The following FAM204A variants were observed in gnomAD, a reference collection of about 807,000 sequenced individuals.
FAM204A encodes the protein protein FAM204A.
In FAM204A, 16 loss-of-function variants were observed where a neutral mutation model predicts 35.4. That is an observed-to-expected ratio of 0.45 (90% confidence interval 0.31 to 0.69). The LOEUF (loss-of-function observed/expected upper bound fraction) is 0.69, where lower values mean the gene tolerates loss of function less well. Ranked by LOEUF, FAM204A falls within the 30% of genes least tolerant of loss-of-function variation. The pLI, the probability that FAM204A is intolerant of heterozygous loss-of-function variation, is 0.07. For synonymous variants in FAM204A, 76 were observed against 86.9 expected (o/e 0.88, Z 0.70); for missense variants, 240 against 265.7 (o/e 0.90, Z 0.67).
At chr10:118,331,461 CAATT>C (rs1296997029) in intron 6 of FAM204A, among the ~76,000 whole-genome samples, 1 of 151,908 alleles carries the variant, frequency 6.6e-6, no homozygotes, top group Admixed American at 6.6e-5. Context: ...CAACAATTGC[CAATT>C]AATTAAGTTT....
At position 118,335,510 on chromosome 10, in the gene FAM204A, A is replaced by G. The variant is rs374613367; in HGVS notation, c.322+44T>C. The G allele has an allele frequency of 1.2e-5, 20 of 1,601,342 alleles. No homozygotes were observed. The African/African-American group carries it at 2.2e-4, about 17-fold the overall frequency. ...AAAAAAATGGTTAAACTCAGTCACA[A>G]CTTAGCATTAGCACGACGAACAACC... On this transcript the variant is annotated intron_variant, in intron 4 of 8. Transcript: ENST00000369183.
At chr10:118,326,046 C>A in intron 7 of FAM204A, 108 bp downstream of exon 7, 2 of 769,530 alleles carry the variant, frequency 2.6e-6, no homozygotes, top group Non-Finnish European at 4.1e-6. Context: ...AAAAGGAAAA[C>A]CTCAGATGAA....
At chr10:118,315,839 T>C (rs1035249515) in intron 7 of FAM204A, among the ~76,000 whole-genome samples, 5 of 152,182 alleles carry the variant, frequency 3.3e-5, no homozygotes, top group African/African-American at 1.2e-4. Flanking sequence ...GCAGATTTGT[T>C]CATTCTTATC....
chr10:118,336,075 T>C (rs1172219679), intron 3 of FAM204A, 107 bp downstream of exon 3: 1 of 1,290,978 alleles, frequency 7.7e-7, no homozygotes, highest in Non-Finnish European at 1.1e-6. Flanking sequence ...TCCATCTCCC[T>C]CCCTGTTAAG....
rs958661083 is a variant in FAM204A at position 118,308,085 on chromosome 10, C to T, written c.*2772G>A. 6.6e-6 allele frequency: 1 copy of T among 152,180 alleles called. No individual in the cohort carries two copies. The highest frequency in any genetic ancestry group is 2.4e-5 in the African/African-American group (1 of 41,456). The allele number at this position is 152,180 out of a possible 1,614,324, so 9.4% of individuals were successfully genotyped here. The stretch of plus-strand genomic sequence containing the variant: ...CAGAAACATCCTGAGGGCTCCCAAA[C>T]AAGAATGCACTGCCAACTTCCCTTT... On this transcript the variant is annotated 3_prime_UTR_variant, in exon 9 of 9. Coordinates refer to ENST00000369183, the MANE Select transcript of FAM204A (RefSeq NM_022063.3).
intron 6 of FAM204A, among the ~76,000 whole-genome samples, chr10:118,329,301 T>C (rs1846251053): frequency 6.6e-6 from 1 of 152,176 alleles, no homozygotes; most frequent in African/African-American, 2.4e-5. Flanking sequence ...CATCATGTCA[T>C]TACCCAGCTT....
chr10:118,334,079 G>C (rs1846333108), intron 6 of FAM204A, among the ~76,000 whole-genome samples: 1 of 152,140 alleles, frequency 6.6e-6, no homozygotes, highest in African/African-American at 2.4e-5. Flanking sequence ...ATGAATAAGT[G>C]AGTTACTAAT....
Position 118,325,887 on chromosome 10 carries a change from C to T in FAM204A, c.543+267G>A, listed in dbSNP as rs574707879. On this transcript the variant is annotated intron_variant, in intron 7 of 8. Coordinates refer to ENST00000369183, the MANE Select transcript of FAM204A (RefSeq NM_022063.3). ...CATTTTAATCATACCTGAAACAAAC[C>T]TCTCTGATCCAGGTAAAATCTAAGG... Among the ~76,000 whole-genome samples the T allele has an allele frequency of 2.0e-5, 3 of 152,192 alleles. No homozygotes were observed. The South Asian group carries it at 6.2e-4, about 32-fold the overall frequency.
At chr10:118,338,043 T>A (rs1846416083) in intron 2 of FAM204A, among the ~76,000 whole-genome samples, 1 of 152,172 alleles carries the variant, frequency 6.6e-6, no homozygotes, top group African/African-American at 2.4e-5. Flanking sequence ...AATGGAGGAA[T>A]AAAATGAGGG....
chr10:118,322,733 G>C (rs2133277290), intron 7 of FAM204A, among the ~76,000 whole-genome samples: 1 of 152,138 alleles, frequency 6.6e-6, no homozygotes, highest in Admixed American at 6.6e-5. Context: ...CTGAGGGAAA[G>C]GTAAATAGGA....
rs1269160994 is a variant in FAM204A, at chr10:118,298,946, G to A, written c.*11911C>T. On this transcript the variant is annotated 3_prime_UTR_variant, in exon 9 of 9. Transcript: ENST00000369183. ...ATAATGTTTAATGGAAAAGGGCAGC[G>A]ATGGACTAATGGTTGCCTAGCAACC... 2.6e-5 allele frequency: 4 copies of A among 152,200 alleles called. No homozygotes were observed. Among genetic ancestry groups the A allele is most frequent in the Admixed American group, 1.3e-4 (2 of 15,282 alleles). The allele number at this position is 152,200 out of a possible 1,614,324, so 9.4% of individuals were successfully genotyped here.
chr10:118,323,335 C>A (rs911522861), intron 7 of FAM204A, among the ~76,000 whole-genome samples: 1 of 152,110 alleles, frequency 6.6e-6, no homozygotes, highest in Non-Finnish European at 1.5e-5. Context: ...TCCAGAGCAG[C>A]TAGCATCTAA....
chr10:118,334,401 G>A (rs969914033), intron 6 of FAM204A, among the ~76,000 whole-genome samples: 4 of 152,030 alleles, frequency 2.6e-5, no homozygotes, highest in Middle Eastern at 3.2e-3. Flanking sequence ...TCTACAATAC[G>A]CCTCAAATCC....
At chr10:118,314,080 T>C (rs1021270837) in intron 7 of FAM204A, among the ~76,000 whole-genome samples, 5 of 152,250 alleles carry the variant, frequency 3.3e-5, no homozygotes, top group African/African-American at 1.2e-4. Flanking sequence ...TAACAGCATA[T>C]GTTCCTTAAT....
chr10:118,311,517 A>C (rs190770025), intron 7 of FAM204A: 91 of 460,920 alleles, frequency 2.0e-4, no homozygotes, highest in Middle Eastern at 1.1e-3. Context: ...CCTTTACCCT[A>C]GTTATACCAG....
Position 118,336,137 on chromosome 10 carries a change from T to C in FAM204A, c.234+45A>G, listed in dbSNP as rs749349091. The C allele has an allele frequency of 1.3e-5, 21 of 1,588,554 alleles. No homozygotes were observed. The South Asian group carries it at 2.0e-4, about 15-fold the overall frequency. On this transcript the variant is annotated intron_variant, in intron 3 of 8. Transcript: ENST00000369183. Reference sequence around the variant, plus strand: ...CAGGGCAGAGACACACAGAGGCATGTGCACACACACAGGCTGTAGCAAGAG... The same window carrying C: ...CAGGGCAGAGACACACAGAGGCATGCGCACACACACAGGCTGTAGCAAGAG...
At chr10:118,336,544 CTTT>C in intron 2 of FAM204A, 121 bp from the exon 3 acceptor site, 1 of 677,864 alleles carries the variant, frequency 1.5e-6, no homozygotes, top group Non-Finnish European at 2.1e-6. Flanking sequence ...TCCATCTAAA[CTTT>C]TTTTTTTTAA....
At chr10:118,319,560 T>C (rs1193320533) in intron 7 of FAM204A, among the ~76,000 whole-genome samples, 1 of 151,966 alleles carries the variant, frequency 6.6e-6, no homozygotes. Flanking sequence ...TTTCTACTTT[T>C]GATACACCGT....
rs1024833495 is a variant in FAM204A at position 118,301,654 on chromosome 10, CAG to C, written c.*9201_*9202del. On this transcript the variant is annotated 3_prime_UTR_variant, in exon 9 of 9. Coordinates refer to ENST00000369183, the MANE Select transcript of FAM204A (RefSeq NM_022063.3). ...GACGTGTAGAAATGCAAGAATTGTC[CAG>C]AGAATTGTCTCCCAACAAGTATATT... The C allele has an allele frequency of 6.6e-6, 1 of 152,088 alleles. No homozygotes were observed. Among genetic ancestry groups the C allele is most frequent in the African/African-American group, 2.4e-5 (1 of 41,396 alleles). 9.4% of individuals were successfully genotyped at this position (152,088 alleles called of 1,614,324 possible).
Sources: allele counts gnomAD v4.1 joint callset (sites outside exome capture counted in the v4.1 genomes callset), GRCh38; gene constraint gnomAD v4.1.1; transcripts MANE v1.5; gene names NCBI Gene and HGNC (gene_info 2026-07-23, HGNC 2026-07-21).